POT1: variants seen among roughly 807,000 people sequenced by gnomAD.
The protein encoded by POT1 is protection of telomeres protein 1.
POT1 carries 47 observed loss-of-function variants against 78.5 expected under a neutral mutation model. The ratio of observed to expected loss-of-function variants is 0.60; its 90% CI spans 0.47 to 0.76. The LOEUF (loss-of-function observed/expected upper bound fraction) is 0.76, where lower values mean the gene tolerates loss of function less well. POT1 is among the 30% of genes least tolerant of loss of function. The probability of loss-of-function intolerance (pLI) is 0.00; values close to 1 mark genes in which losing one functional copy is unlikely to be tolerated. For missense variants in POT1, 646 were observed against 749.9 expected (o/e 0.86, Z 1.62); for synonymous variants, 259 against 260.7 (o/e 0.99, Z 0.06).
chr7:124,887,842 AGTGT>A (rs1305684216), intron 6 of POT1, among the ~76,000 whole-genome samples: 1 of 152,124 alleles, frequency 6.6e-6, no homozygotes. Context: ...ACACAGGTGA[AGTGT>A]GTGTTTCTGT....
At chr7:124,910,387 C>T (rs1796862938) in intron 3 of POT1, among the ~76,000 whole-genome samples, 1 of 151,800 alleles carries the variant, frequency 6.6e-6, no homozygotes, top group Admixed American at 6.6e-5. Flanking sequence ...CAAATGTTAG[C>T]CTTAGAGGGT....
chr7:124,900,919 T>G, intron 3 of POT1: 1 of 265,892 alleles, frequency 3.8e-6, no homozygotes, highest in South Asian at 3.4e-5. Context: ...CAGTCCCAGA[T>G]TGAACTGTGA....
At chr7:124,857,436 T>A (rs901262201) in intron 9 of POT1, among the ~76,000 whole-genome samples, 2 of 152,168 alleles carry the variant, frequency 1.3e-5, no homozygotes, top group African/African-American at 4.8e-5. Context: ...AGAACTTACA[T>A]CCCTGTTTTC....
chr7:124,827,348 C>T (rs372407973), intron 16 of POT1, 43 bp from the exon 17 acceptor site: 1 of 1,141,246 alleles, frequency 8.8e-7, no homozygotes, highest in Non-Finnish European at 1.3e-6. Flanking sequence ...GTCTGCTATT[C>T]CTTATTATCA....
intron 2 of POT1, among the ~76,000 whole-genome samples, chr7:124,916,551 G>T (rs1054620278): frequency 6.6e-6 from 1 of 151,924 alleles, no homozygotes; most frequent in Non-Finnish European, 1.5e-5. Context: ...TAAAACAATT[G>T]TTTTATTTCT....
chr7:124,907,046 C>T (rs1227253162), intron 3 of POT1, among the ~76,000 whole-genome samples: 1 of 152,032 alleles, frequency 6.6e-6, no homozygotes, highest in Non-Finnish European at 1.5e-5. Context: ...TGACATACCA[C>T]AGATGTTTAA....
intron 14 of POT1, among the ~76,000 whole-genome samples, chr7:124,835,968 T>C (rs973877426): frequency 6.6e-6 from 1 of 152,210 alleles, no homozygotes; most frequent in African/African-American, 2.4e-5. Flanking sequence ...TATTGTCCAA[T>C]GGCATCCATT....
intron 2 of POT1, among the ~76,000 whole-genome samples, chr7:124,921,496 G>T (rs945902250): frequency 1.4e-5 from 2 of 143,262 alleles, no homozygotes; most frequent in Admixed American, 1.4e-4. Context: ...AACTTAAAAA[G>T]AAATAAATAG....
At chr7:124,901,480 C>T (rs754601739) in intron 3 of POT1, among the ~76,000 whole-genome samples, 1 of 152,134 alleles carries the variant, frequency 6.6e-6, no homozygotes, top group African/African-American at 2.4e-5. Flanking sequence ...GGAATAGCAT[C>T]AACATCAACA....
chr7:124,831,812 A>G (rs1429306893), intron 15 of POT1, among the ~76,000 whole-genome samples: 1 of 152,050 alleles, frequency 6.6e-6, no homozygotes, highest in Non-Finnish European at 1.5e-5. Context: ...AACAGTTTAT[A>G]TAAATTTAAA....
chr7:124,886,911 A>C (rs937703684), intron 6 of POT1, among the ~76,000 whole-genome samples: 2 of 152,094 alleles, frequency 1.3e-5, no homozygotes, highest in Admixed American at 1.3e-4. Flanking sequence ...AGTTTTTTTT[A>C]AAATGATGTA....
intron 11 of POT1, among the ~76,000 whole-genome samples, chr7:124,848,283 C>A (rs1040558516): frequency 1.3e-5 from 2 of 152,126 alleles, no homozygotes; most frequent in Non-Finnish European, 2.9e-5. Context: ...TAAACTCTAG[C>A]TAATTATGTT....
intron 3 of POT1, among the ~76,000 whole-genome samples, chr7:124,911,321 C>T (rs183098592): frequency 5.6e-4 from 86 of 152,226 alleles, no homozygotes; most frequent in African/African-American, 2.0e-3. Flanking sequence ...TCGCCTCAAG[C>T]AGGCATGATT....
At chr7:124,925,507 A>T (rs1797252656) in intron 2 of POT1, among the ~76,000 whole-genome samples, 1 of 152,156 alleles carries the variant, frequency 6.6e-6, no homozygotes, top group Admixed American at 6.6e-5. Flanking sequence ...GATCAGAAGA[A>T]TTAATATTAT....
chr7:124,892,531 G>T, intron 5 of POT1, 151 bp from the exon 6 acceptor site: 2 of 437,360 alleles, frequency 4.6e-6, no homozygotes, highest in Non-Finnish European at 8.0e-6. Flanking sequence ...AATGCACACA[G>T]CTTAGCTTAT....
intron 6 of POT1, among the ~76,000 whole-genome samples, chr7:124,888,780 T>A (rs533605601): frequency 1.9e-4 from 29 of 152,112 alleles, no homozygotes; most frequent in Admixed American, 1.2e-3. Flanking sequence ...TGATCAGTGA[T>A]CTTTGGCATT....
At chr7:124,927,391 A>T (rs74717077) in intron 2 of POT1, among the ~76,000 whole-genome samples, 3 of 152,318 alleles carry the variant, frequency 2.0e-5, no homozygotes, top group African/African-American at 7.2e-5. Context: ...TAAATCACTT[A>T]ACCTGTGTTT....
intron 4 of POT1, among the ~76,000 whole-genome samples, chr7:124,898,023 T>G (rs1371252886): frequency 6.6e-6 from 1 of 152,010 alleles, no homozygotes; most frequent in Non-Finnish European, 1.5e-5. Context: ...TCTGTGCGGT[T>G]TTGTAAGTTT....
rs369023903 is a variant in POT1, at chr7:124,897,155, A to G, written c.9+10T>C. 51 of 1,445,034 alleles carry G rather than the reference A, an allele frequency of 3.5e-5. No homozygotes were observed. The African/African-American group carries it at 7.2e-4, about 21-fold the overall frequency. The allele number at this position is 1,445,034 out of a possible 1,614,324, so 89.5% of individuals were successfully genotyped here. On this transcript the variant is annotated intron_variant, in intron 5 of 18. Transcript: ENST00000357628. ...TGTAATACTCTAAATTAAACTGAAT[A>G]TCATCTTACCAAAGACATTGATTCT...
Sources: allele counts gnomAD v4.1 joint callset (sites outside exome capture counted in the v4.1 genomes callset), GRCh38; gene constraint gnomAD v4.1.1; transcripts MANE v1.5; gene names NCBI Gene and HGNC (gene_info 2026-07-23, HGNC 2026-07-21).